TTC28: variants seen among roughly 807,000 people sequenced by gnomAD.
TTC28 encodes tetratricopeptide repeat domain 28, also known as tetratricopeptide repeat protein 28.
TTC28 carries 61 observed loss-of-function variants against 198.0 expected under a neutral mutation model. The observed-to-expected ratio is 0.31, with a 90% CI of 0.25 to 0.38. The LOEUF is 0.38. TTC28 is among the 10% of genes least tolerant of loss of function. The pLI, the probability that TTC28 is intolerant of heterozygous loss-of-function variation, is 1.00. For missense variants in TTC28, 2,678 were observed against 3,164.0 expected (o/e 0.85, Z 3.69); for synonymous variants, 1,171 against 1,297.8 (o/e 0.90, Z 2.10).
intron 16 of TTC28, 103 bp downstream of exon 16, chr22:27,998,437 C>T: frequency 6.9e-7 from 1 of 1,450,690 alleles, no homozygotes; most frequent in Non-Finnish European, 9.1e-7. Context: ...GCTGGCCTTG[C>T]CCTGCCCTCC....
intron 5 of TTC28, among the ~76,000 whole-genome samples, chr22:28,275,473 C>T (rs1031734541): frequency 7.9e-5 from 12 of 152,114 alleles, no homozygotes; most frequent in African/African-American, 2.9e-4. Context: ...AACCAGGAAG[C>T]TAGTCCAGGT....
intron 6 of TTC28, among the ~76,000 whole-genome samples, chr22:28,131,560 G>GA (rs901882247): frequency 3.3e-5 from 5 of 152,050 alleles, no homozygotes; most frequent in African/African-American, 7.2e-5. Flanking sequence ...ACTAGCCTCG[G>GA]AAAAAAATCA....
intron 2 of TTC28, among the ~76,000 whole-genome samples, chr22:28,364,291 A>G (rs555916592): frequency 2.0e-5 from 3 of 152,276 alleles, no homozygotes; most frequent in South Asian, 2.1e-4. Flanking sequence ...GCTGCCATCC[A>G]TGTAAGATGT....
intron 2 of TTC28, among the ~76,000 whole-genome samples, chr22:28,324,253 A>G (rs1446590323): frequency 2.0e-5 from 3 of 152,078 alleles, no homozygotes; most frequent in Non-Finnish European, 2.9e-5. Flanking sequence ...GGAGTTCAAG[A>G]CCAGCCTAGG....
intron 2 of TTC28, among the ~76,000 whole-genome samples, chr22:28,451,106 C>G (rs573747813): frequency 6.6e-6 from 1 of 152,314 alleles, no homozygotes; most frequent in South Asian, 2.1e-4. Context: ...TAAGTTTTGG[C>G]TGAACACTAA....
At chr22:28,661,853 T>A (rs944369774) in intron 1 of TTC28, among the ~76,000 whole-genome samples, 1 of 152,146 alleles carries the variant, frequency 6.6e-6, no homozygotes, top group Admixed American at 6.5e-5. Context: ...GTGATCCACC[T>A]GCCTCGGCCT....
intron 6 of TTC28, among the ~76,000 whole-genome samples, chr22:28,161,997 C>T (rs1382759781): frequency 6.6e-6 from 1 of 152,164 alleles, no homozygotes; most frequent in Admixed American, 6.5e-5. Context: ...AGGTCAACTT[C>T]TCTTTGTCCT....
chr22:28,257,471 A>G (rs912027867), intron 5 of TTC28, among the ~76,000 whole-genome samples: 13 of 152,020 alleles, frequency 8.6e-5, no homozygotes, highest in Non-Finnish European at 1.8e-4. Context: ...ATACAACTAG[A>G]AGACATTAAG....
chr22:28,192,716 A>G (rs1924942441), intron 5 of TTC28, among the ~76,000 whole-genome samples: 1 of 152,232 alleles, frequency 6.6e-6, no homozygotes, highest in African/African-American at 2.4e-5. Flanking sequence ...AATGAATGAA[A>G]TGAAGCAAGA....
intron 2 of TTC28, among the ~76,000 whole-genome samples, chr22:28,533,189 G>A (rs1019165129): frequency 8.5e-5 from 13 of 152,166 alleles, no homozygotes; most frequent in South Asian, 2.1e-4. Flanking sequence ...TCCTTAAGCC[G>A]ATAAGCAGCT....
At chr22:28,380,813 A>G (rs1601716836) in intron 2 of TTC28, among the ~76,000 whole-genome samples, 1 of 152,148 alleles carries the variant, frequency 6.6e-6, no homozygotes, top group East Asian at 1.9e-4. Flanking sequence ...AACAAACCTA[A>G]GCAGGATGTG....
chr22:28,492,519 A>G (rs1352586566), intron 2 of TTC28, among the ~76,000 whole-genome samples: 3 of 152,176 alleles, frequency 2.0e-5, no homozygotes, highest in Non-Finnish European at 4.4e-5. Flanking sequence ...CAAAAAACAA[A>G]CAAACAAACA....
intron 20 of TTC28, chr22:27,990,210 G>A (rs1208378362): frequency 6.1e-6 from 4 of 653,232 alleles, no homozygotes; most frequent in African/African-American, 3.7e-5. Flanking sequence ...GGGCATTGGG[G>A]CAAGAGGCTG....
intron 1 of TTC28, among the ~76,000 whole-genome samples, chr22:28,650,758 C>T (rs1290650656): frequency 3.3e-5 from 5 of 152,188 alleles, no homozygotes; most frequent in African/African-American, 9.7e-5. Context: ...CTTTATTTTA[C>T]ATCAATATAA....
chr22:28,011,486 T>C (rs1443847881), intron 14 of TTC28, among the ~76,000 whole-genome samples: 1 of 152,090 alleles, frequency 6.6e-6, no homozygotes, highest in Non-Finnish European at 1.5e-5. Flanking sequence ...GTCCCAGCTA[T>C]TCAGGAGGCT....
chr22:28,423,158 G>A (rs1358049540), intron 2 of TTC28, among the ~76,000 whole-genome samples: 1 of 152,088 alleles, frequency 6.6e-6, no homozygotes, highest in Non-Finnish European at 1.5e-5. Flanking sequence ...TTGGGAGGCC[G>A]AGGCAGGCAG....
chr22:28,004,709 G>A (rs1209358242), intron 14 of TTC28, among the ~76,000 whole-genome samples: 1 of 152,206 alleles, frequency 6.6e-6, no homozygotes, highest in Non-Finnish European at 1.5e-5. Flanking sequence ...CCGTTCAAAG[G>A]GGGAAACTGA....
intron 1 of TTC28, among the ~76,000 whole-genome samples, chr22:28,673,511 A>G (rs1474250115): frequency 6.6e-6 from 1 of 152,220 alleles, no homozygotes; most frequent in Non-Finnish European, 1.5e-5. Context: ...TCAACATACT[A>G]TGGACGTAGT....
intron 2 of TTC28, among the ~76,000 whole-genome samples, chr22:28,380,519 C>T (rs1335147507): frequency 6.6e-6 from 1 of 152,066 alleles, no homozygotes; most frequent in Non-Finnish European, 1.5e-5. Context: ...TAATAAAGGA[C>T]TGGTTTGTGT....
Sources: gnomAD v4.1 joint callset for allele counts (sites outside exome capture counted in the v4.1 genomes callset) on GRCh38, gnomAD v4.1.1 for gene constraint, MANE v1.5 for transcripts, NCBI Gene and HGNC (gene_info 2026-07-23, HGNC 2026-07-21) for gene names.